The following CPEB3 variants were observed in gnomAD, a reference collection of about 807,000 sequenced individuals.
The protein encoded by CPEB3 is cytoplasmic polyadenylation element-binding protein 3.
A neutral mutation model predicts 67.2 loss-of-function variants in CPEB3; 20 were observed. The observed-to-expected ratio is 0.30, with a 90% confidence interval of 0.21 to 0.43. The LOEUF (loss-of-function observed/expected upper bound fraction) is 0.43, where lower values mean the gene tolerates loss of function less well. Among genes scored for constraint, CPEB3 ranks in the 20% least tolerant of loss-of-function variants. CPEB3 has a pLI of 1.00. For missense variants in CPEB3, 746 were observed against 968.6 expected, an observed-to-expected ratio of 0.77 and a Z score of 3.05; for synonymous variants, 376 against 393.1, an observed-to-expected ratio of 0.96 and a Z score of 0.51.
At chr10:92,134,314 CAA>C (rs1356313553) in intron 6 of CPEB3, among the ~76,000 whole-genome samples, 22 of 152,214 alleles carry the variant, frequency 1.4e-4, no homozygotes, top group African/African-American at 4.8e-4. Context: ...GCAACTTCAG[CAA>C]AGTCTCAGGA....
At chr10:92,067,619 G>A (rs1590065450) in intron 9 of CPEB3, among the ~76,000 whole-genome samples, 1 of 152,196 alleles carries the variant, frequency 6.6e-6, no homozygotes. Flanking sequence ...AGGAGTTCAA[G>A]ACCAGCCTGA....
intron 9 of CPEB3, among the ~76,000 whole-genome samples, chr10:92,080,786 G>C (rs61875186): frequency 6.6e-6 from 1 of 151,726 alleles, no homozygotes; most frequent in Non-Finnish European, 1.5e-5. Context: ...TAGTAGAGAC[G>C]GGGTTTCACC....
Position 92,216,476 on chromosome 10 carries a change from AAAT to A in CPEB3, c.1005+22867_1005+22869del. The A allele has an allele frequency of 2.5e-6, 4 of 1,612,904 alleles. No individual in the cohort carries two copies. In the Admixed American group the frequency reaches 6.7e-5, roughly 27 times the overall value. ...TCGCCGCCTCAAGCGGAAGCTCTAC[AAAT>A]GCATTAAGAAAGCGGTGAAGCAGAA... On this transcript the variant is annotated intron_variant, in intron 2 of 9. Coordinates refer to ENST00000265997, the MANE Select transcript of CPEB3 (RefSeq NM_014912.5).
rs1842581468 is a variant in CPEB3, at chr10:92,067,141, A to G, written c.1869+14179T>C. On this transcript the variant is annotated intron_variant, in intron 9 of 9. Transcript: ENST00000265997. ...TAAAAAAACTAAAAATAATAAATAA[A>G]TTTTTAGTTTTTCAACTATGAGCTG... is the stretch of plus-strand genomic sequence containing the variant. Among the ~76,000 whole-genome samples the G allele has an allele frequency of 3.3e-5, 5 of 151,790 alleles. No homozygotes were observed. In the South Asian group the frequency reaches 1.0e-3, roughly 31 times the overall value.
chr10:92,248,835 A>T (rs1852175193), intron 1 of CPEB3, among the ~76,000 whole-genome samples: 1 of 152,236 alleles, frequency 6.6e-6, no homozygotes, highest in Admixed American at 6.5e-5. Flanking sequence ...TTGTCAGTCT[A>T]TCTTGCTTGA....
intron 2 of CPEB3, among the ~76,000 whole-genome samples, chr10:92,194,600 AAACATTTTGAAACTAGAACTCT>A (rs1447714039): frequency 2.0e-4 from 31 of 152,342 alleles, no homozygotes; most frequent in African/African-American, 6.7e-4. Flanking sequence ...TTAGATTCAA[AAACATTTTGAAACTAGAACTCT>A]AACACAAACT....
intron 6 of CPEB3, chr10:92,137,579 TG>T: frequency 1.4e-6 from 1 of 717,354 alleles, no homozygotes. Flanking sequence ...GAGTTGACCC[TG>T]GAGGGGGTCC....
intron 1 of CPEB3, among the ~76,000 whole-genome samples, chr10:92,289,731 AAATAT>A (rs1468311776): frequency 7.5e-5 from 9 of 120,360 alleles, no homozygotes; most frequent in Admixed American, 4.6e-4. Flanking sequence ...AAAAAAAAAA[AAATAT>A]ATATATATAT....
Position 92,050,321 on chromosome 10 carries a change from C to G in CPEB3, c.*1891G>C, listed in dbSNP as rs1841857437. On this transcript the variant is annotated 3_prime_UTR_variant, in exon 10 of 10. Transcript: ENST00000265997. ...TGAAAACAAACTATAGCTTGAGAGC[C>G]AGTAATTGCAACTAAACATGGGAGA... 1 of 152,450 alleles carries G rather than the reference C, an allele frequency of 6.6e-6. No individual in the cohort carries two copies. The highest frequency in any genetic ancestry group is 1.5e-5 in the Non-Finnish European group (1 of 68,026). The allele number at this position is 152,450 out of a possible 1,614,324, so 9.4% of individuals were successfully genotyped here. A position where few individuals can be genotyped will look rare whatever the true frequency, so the allele number is the denominator to read the frequency against.
At chr10:92,291,218 T>G (rs1842850932), upstream of CPEB3, 1 of 528,522 alleles carries the variant, frequency 1.9e-6, no homozygotes, top group Non-Finnish European at 3.3e-6. Flanking sequence ...CCGCGGTCCA[T>G]GGACCGGAAC....
chr10:92,122,806 G>C (rs892761425), intron 6 of CPEB3, among the ~76,000 whole-genome samples: 1 of 152,192 alleles, frequency 6.6e-6, no homozygotes, highest in African/African-American at 2.4e-5. Context: ...TACAACATAG[G>C]TGAAAACATT....
At chr10:92,178,289 T>C (rs966464817) in intron 4 of CPEB3, among the ~76,000 whole-genome samples, 1 of 151,764 alleles carries the variant, frequency 6.6e-6, no homozygotes, top group Non-Finnish European at 1.5e-5. Context: ...CTCCTGAGCA[T>C]CTGGGATCAC....
At chr10:92,191,946 A>T (rs1338465618) in intron 3 of CPEB3, among the ~76,000 whole-genome samples, 3 of 152,192 alleles carry the variant, frequency 2.0e-5, no homozygotes, top group African/African-American at 7.2e-5. Context: ...ATGTACTTTA[A>T]GATATTTTTC....
rs181152730 is a variant in CPEB3 at position 92,109,450 on chromosome 10, C to T, written c.1572+1626G>A. ...TGTATTTTTAGTAGAGAAGGGGTTTCACCGTGTTAGCCAGGATGGTCTTGA... is the reference window on the plus strand; with the variant it reads ...TGTATTTTTAGTAGAGAAGGGGTTTTACCGTGTTAGCCAGGATGGTCTTGA... On this transcript the variant is annotated intron_variant, in intron 7 of 9. Transcript: ENST00000265997. Among the ~76,000 whole-genome samples, 410 of 152,214 alleles carry T rather than the reference C, an allele frequency of 2.7e-3. 2 individuals carry two copies. The highest frequency in any genetic ancestry group is 0.011 in the South Asian group (52 of 4,820).
At chr10:92,192,361 A>T in intron 3 of CPEB3, 116 bp downstream of exon 3, 1 of 1,012,148 alleles carries the variant, frequency 9.9e-7, no homozygotes, top group Non-Finnish European at 1.5e-6. Flanking sequence ...ACAATGCTTT[A>T]CAGAAGCAAA....
At chr10:92,285,435 T>C (rs761816855) in intron 1 of CPEB3, among the ~76,000 whole-genome samples, 12 of 152,132 alleles carry the variant, frequency 7.9e-5, no homozygotes, top group Non-Finnish European at 1.3e-4. Flanking sequence ...CATGCCTGGT[T>C]AATGTTTGTA....
chr10:92,234,531 AGGG>A (rs965309288), intron 2 of CPEB3, among the ~76,000 whole-genome samples: 1 of 152,232 alleles, frequency 6.6e-6, no homozygotes, highest in African/African-American at 2.4e-5. Context: ...AGAATAGTCA[AGGG>A]AGTAGGAGCC....
intron 1 of CPEB3, among the ~76,000 whole-genome samples, chr10:92,280,774 T>C (rs1842255706): frequency 2.7e-5 from 4 of 147,116 alleles, no homozygotes; most frequent in Non-Finnish European, 6.0e-5. Context: ...TTTTTTTTTT[T>C]TGGAGACGGA....
chr10:92,156,104 G>T (rs1464309371), intron 4 of CPEB3, among the ~76,000 whole-genome samples: 1 of 152,134 alleles, frequency 6.6e-6, no homozygotes, highest in East Asian at 1.9e-4. Flanking sequence ...ACTTATCCCA[G>T]ATGAAGAATC....
Sources: allele counts gnomAD v4.1 joint callset (sites outside exome capture counted in the v4.1 genomes callset), GRCh38; gene constraint gnomAD v4.1.1; transcripts MANE v1.5; gene names NCBI Gene and HGNC (gene_info 2026-07-23, HGNC 2026-07-21).